NELFA: variants seen among roughly 807,000 people sequenced by gnomAD.
NELFA encodes negative elongation factor complex member A.
Under a neutral mutation model 51.8 loss-of-function variants are expected in NELFA, and 35 were observed. The observed-to-expected ratio is 0.68, with a 90% CI of 0.52 to 0.90. The LOEUF (loss-of-function observed/expected upper bound fraction) is 0.90. NELFA is among the 40% of genes least tolerant of loss of function. NELFA has a pLI of 0.00. For synonymous variants in NELFA, 417 were observed against 338.4 expected (o/e 1.23, Z -2.55); for missense variants, 658 against 746.4 (o/e 0.88, Z 1.38).
At chr4:1,988,549 GGCTGCACGGAGCCTCCCGGACAGC>G (rs1728181234) in intron 3 of NELFA, among the ~76,000 whole-genome samples, 1 of 152,218 alleles carries the variant, frequency 6.6e-6, no homozygotes, top group South Asian at 2.1e-4. Flanking sequence ...GTGGGCCCGG[GGCTGCACGGAGCCTCCCGGACAGC>G]GCTGGGCCCT....
intron 1 of NELFA, among the ~76,000 whole-genome samples, chr4:2,005,624 G>A (rs923503276): frequency 6.6e-6 from 1 of 152,120 alleles, no homozygotes; most frequent in Non-Finnish European, 1.5e-5. Context: ...CTCAGGAGGA[G>A]GAGGTTGCAG....
At chr4:2,006,768 CAAAAAAAAAAAAAAA>C (rs57055347) in intron 1 of NELFA, among the ~76,000 whole-genome samples, 37,417 of 80,518 alleles carry the variant, frequency 0.46, 5,318 homozygotes, top group Middle Eastern at 0.57. Flanking sequence ...GACGCTGTCT[CAAAAAAAAAAAAAAA>C]AAAAAAAAAA....
intron 6 of NELFA, 67 bp downstream of exon 6, chr4:1,986,047 C>CCCACCCCA: frequency 6.6e-7 from 1 of 1,519,608 alleles, no homozygotes; most frequent in South Asian, 1.2e-5. Flanking sequence ...GTGGGCACAA[C>CCCACCCCA]CCACCCCAAC....
chr4:2,008,633 T>C (rs1240093607), intron 1 of NELFA, 117 bp downstream of exon 1: 5 of 1,177,438 alleles, frequency 4.2e-6, no homozygotes, highest in African/African-American at 5.1e-5. Context: ...GGGTTAACAG[T>C]CTGAAGGGGG....
At position 1,986,099 on chromosome 4, in the gene NELFA, G is replaced by A. The variant is rs1728085248; in HGVS notation, c.835+15C>T. ...GGACCCCCATTGCCGCCGACACGCA[G>A]GCCCCAACCCCCACCGAGAGTCTTC... On this transcript the variant is annotated intron_variant, in intron 6 of 10. Transcript: ENST00000382882. 1 of 1,548,762 alleles carries A rather than the reference G, an allele frequency of 6.5e-7. No individual in the cohort carries two copies. The highest frequency in any genetic ancestry group is 8.7e-7 in the Non-Finnish European group (1 of 1,146,338).
At chr4:2,005,535 T>C (rs1028794436) in intron 1 of NELFA, among the ~76,000 whole-genome samples, 1 of 151,954 alleles carries the variant, frequency 6.6e-6, no homozygotes, top group African/African-American at 2.4e-5. Context: ...CTACTAAAAA[T>C]ACAAAAATTA....
chr4:1,989,967 A>AG lies in NELFA; in HGVS notation c.383-99dup. The AG allele has an allele frequency of 6.9e-7, 1 of 1,452,468 alleles. No individual in the cohort carries two copies. The highest frequency in any genetic ancestry group is 9.3e-7 in the Non-Finnish European group (1 of 1,075,206). The allele number at this position is 1,452,468 out of a possible 1,614,324, so 90.0% of individuals were successfully genotyped here. A position where few individuals can be genotyped will look rare whatever the true frequency, so the allele number is the denominator to read the frequency against. On this transcript the variant is annotated intron_variant, in intron 2 of 10. Transcript: ENST00000382882. The surrounding 1 kb of genome is among the most constrained non-coding windows in gnomAD (Gnocchi z 4.8). ...GCCCAGCCCCACACCCTCCTCAGTTAGGGTTAGGTCATGGGAGCTTCGGCT... is the reference window on the plus strand; with the variant it reads ...GCCCAGCCCCACACCCTCCTCAGTTAGGGGTTAGGTCATGGGAGCTTCGGCT...
chr4:2,008,908 C>T lies in NELFA; in HGVS notation c.52G>A (p.Gly18Arg). ...DTGLWLHNKL[G>R]ATDELWAPPS... ...GGCGCCCACAGCTCGTCCGTGGCCCCCAGCTTGTTGTGCAGCCACAGGCCC... is the reference window on the plus strand; with the variant it reads ...GGCGCCCACAGCTCGTCCGTGGCCCTCAGCTTGTTGTGCAGCCACAGGCCC... The change falls in exon 1 of 11, where the codon GGG (glycine) becomes AGG (arginine). Residue 18 changes from glycine to arginine, a missense_variant. Gly to Arg is a moderately radical substitution (Grantham distance 125). This residue lies in a region of NELFA where 371 missense variants were observed against 448.3 expected (regional missense o/e 0.83). Transcript: ENST00000382882. 6.3e-7 allele frequency: 1 copy of T among 1,582,356 alleles called. No individual in the cohort carries two copies. The highest frequency in any genetic ancestry group is 8.6e-7 in the Non-Finnish European group (1 of 1,165,102).
rs1382260115 is a variant in NELFA at position 1,993,794 on chromosome 4, C to CG, written c.211-2080_211-2079insC. ...GAAGGTGGGAACGAGCTCCCCTGGG[C>CG]CTTTTTTTTTTTTTTTTTTTGAGAC... On this transcript the variant is annotated intron_variant, in intron 1 of 10. Coordinates refer to ENST00000382882, the MANE Select transcript of NELFA (RefSeq NM_005663.5). Among the ~76,000 whole-genome samples, 3 of 135,618 alleles carry CG rather than the reference C, an allele frequency of 2.2e-5. No individual in the cohort carries two copies. In the East Asian group the frequency reaches 6.6e-4, roughly 30 times the overall value. The allele number at this position is 135,618 out of a possible 152,430, so 89.0% of individuals were successfully genotyped here.
chr4:2,008,614 G>C, intron 1 of NELFA, 136 bp downstream of exon 1: 1 of 1,007,656 alleles, frequency 9.9e-7, no homozygotes, highest in South Asian at 1.6e-5. Context: ...GCGTGAGGGC[G>C]GGCCGGGGGG....
intron 2 of NELFA, among the ~76,000 whole-genome samples, chr4:1,991,070 G>T (rs1728254769): frequency 6.6e-6 from 1 of 152,212 alleles, no homozygotes; most frequent in Non-Finnish European, 1.5e-5. Flanking sequence ...AAGTGCTGGG[G>T]TTACAGGAGT....
At chr4:1,999,238 T>C (rs1214049270) in intron 1 of NELFA, among the ~76,000 whole-genome samples, 1 of 150,122 alleles carries the variant, frequency 6.7e-6, no homozygotes, top group Admixed American at 6.7e-5. Context: ...AAACTGCATC[T>C]AGTGTGCAAA....
At chr4:2,006,865 C>T (rs1040059575) in intron 1 of NELFA, 2 of 150,422 alleles carry the variant, frequency 1.3e-5, no homozygotes, top group Non-Finnish European at 2.9e-5. Flanking sequence ...GGACTGATAT[C>T]TAGCATTTAT....
chr4:2,000,548 TAGA>T lies in NELFA; in HGVS notation c.210+8199_210+8201del, dbSNP rs1435813479. ...CTCTACACAAATAAACTAGAAAATC[TAGA>T]AGAAATGGATAAATTCCTGGGTGCA... On this transcript the variant is annotated intron_variant, in intron 1 of 10. Coordinates refer to ENST00000382882, the MANE Select transcript of NELFA (RefSeq NM_005663.5). Among the ~76,000 whole-genome samples, 3 of 152,094 alleles carry T rather than the reference TAGA, an allele frequency of 2.0e-5. No individual in the cohort carries two copies. In the East Asian group the frequency reaches 5.8e-4, roughly 29 times the overall value.
At chr4:1,987,780 G>C in intron 4 of NELFA, 138 bp downstream of exon 4, 1 of 725,362 alleles carries the variant, frequency 1.4e-6, no homozygotes, top group Non-Finnish European at 2.2e-6. Context: ...CAGTGCCTTC[G>C]CTTTCCCACG....
At chr4:1,992,923 C>T (rs1016026105) in intron 1 of NELFA, among the ~76,000 whole-genome samples, 1 of 152,328 alleles carries the variant, frequency 6.6e-6, no homozygotes, top group South Asian at 2.1e-4. Flanking sequence ...CCTTGGGCAA[C>T]CAGGGAGGGT....
At chr4:2,002,816 G>A (rs1476555321) in intron 1 of NELFA, among the ~76,000 whole-genome samples, 2 of 152,178 alleles carry the variant, frequency 1.3e-5, no homozygotes, top group Admixed American at 6.5e-5. Context: ...TCAGGACACA[G>A]TCACGGCCAA....
chr4:1,983,568 A>T (rs985413948), intron 10 of NELFA, 28 bp downstream of exon 10: 3 of 1,611,830 alleles, frequency 1.9e-6, no homozygotes, highest in Non-Finnish European at 2.5e-6. Context: ...GGCCCGGTGC[A>T]CCCCCAGGCC....
intron 2 of NELFA, among the ~76,000 whole-genome samples, chr4:1,991,011 C>A (rs1728253954): frequency 6.6e-6 from 1 of 152,188 alleles, no homozygotes; most frequent in Non-Finnish European, 1.5e-5. Context: ...GTTTCCCAGG[C>A]TGGTCTCGAA....
Sources: gnomAD v4.1 joint callset for allele counts (sites outside exome capture counted in the v4.1 genomes callset) on GRCh38, gnomAD v4.1.1 for gene constraint, gnomAD v4.1.1 regional missense constraint, Gnocchi (gnomAD v3.1) non-coding constraint, MANE v1.5 for transcripts, NCBI Gene and HGNC (gene_info 2026-07-23, HGNC 2026-07-21) for gene names.